VAV3: variants seen among roughly 807,000 people sequenced by gnomAD.
The protein encoded by VAV3 is guanine nucleotide exchange factor VAV3.
Under a neutral mutation model 131.2 loss-of-function variants are expected in VAV3, and 94 were observed. The ratio of observed to expected loss-of-function variants is 0.72; its 90% CI spans 0.61 to 0.85. The LOEUF (loss-of-function observed/expected upper bound fraction) is 0.85. Ranked by LOEUF, VAV3 falls within the 40% of genes least tolerant of loss-of-function variation. VAV3 has a pLI of 0.00. For synonymous variants in VAV3, 349 were observed against 342.0 expected, an observed-to-expected ratio of 1.02 and a Z score of -0.22; for missense variants, 939 against 1,002.7, an observed-to-expected ratio of 0.94 and a Z score of 0.86.
rs192036448 is a variant in VAV3, at chr1:107,948,082, G to A, written c.204+16584C>T. Reference sequence around the variant, plus strand: ...AATGGCTAAGTTTTGGATAGCTGTGGATTTACTCCTTTAAGCATCAGATCT... The same window carrying A: ...AATGGCTAAGTTTTGGATAGCTGTGAATTTACTCCTTTAAGCATCAGATCT... On this transcript the variant is annotated intron_variant, in intron 1 of 26. Transcript: ENST00000370056. Among the ~76,000 whole-genome samples the A allele has an allele frequency of 7.9e-4, 120 of 152,280 alleles. No homozygotes were observed. The East Asian group carries it at 0.018, about 22-fold the overall frequency.
chr1:107,802,110 A>C (rs2102304733), intron 2 of VAV3, among the ~76,000 whole-genome samples: 1 of 152,006 alleles, frequency 6.6e-6, no homozygotes, highest in East Asian at 1.9e-4. Flanking sequence ...TGTTCTTTGT[A>C]GCTATTGCAA....
intron 19 of VAV3, among the ~76,000 whole-genome samples, chr1:107,659,966 T>G (rs1656884369): frequency 6.6e-6 from 1 of 152,154 alleles, no homozygotes; most frequent in Non-Finnish European, 1.5e-5. Context: ...CATTTATACT[T>G]CCCTTTCCCC....
At chr1:107,751,791 C>A (rs1352248439) in intron 12 of VAV3, among the ~76,000 whole-genome samples, 4 of 152,116 alleles carry the variant, frequency 2.6e-5, no homozygotes, top group Admixed American at 2.0e-4. Context: ...TTCCCAGAGG[C>A]TGATAACTAA....
At chr1:107,854,616 A>C (rs1399229716) in intron 2 of VAV3, among the ~76,000 whole-genome samples, 3 of 152,166 alleles carry the variant, frequency 2.0e-5, no homozygotes, top group Admixed American at 1.3e-4. Flanking sequence ...GAAATTGTTT[A>C]ACAGTGCTCT....
intron 19 of VAV3, chr1:107,678,152 C>T (rs1269653550): frequency 6.6e-6 from 1 of 151,684 alleles, no homozygotes; most frequent in South Asian, 2.1e-4. Context: ...GAGCATGCTC[C>T]TCAGCATTTG....
rs1003583760 is a variant in VAV3 at position 107,792,851 on chromosome 1, T to C, written c.322-13359A>G. On this transcript the variant is annotated intron_variant, in intron 2 of 26. Coordinates refer to ENST00000370056, the MANE Select transcript of VAV3 (RefSeq NM_006113.5). ...TAGAGGCTACCAGCTTGTACCCTCC[T>C]TCTGGTTTGCAATTAAGTAGACTGT... 9.2e-5 allele frequency among the ~76,000 whole-genome samples: 14 copies of C among 152,278 alleles called. No individual in the cohort carries two copies. The East Asian group carries it at 2.7e-3, about 29-fold the overall frequency.
intron 1 of VAV3, among the ~76,000 whole-genome samples, chr1:107,941,740 T>G (rs1476058597): frequency 6.6e-6 from 1 of 152,170 alleles, no homozygotes; most frequent in Admixed American, 6.6e-5. Context: ...CACTGTTGGG[T>G]AGAAATAAAT....
chr1:107,638,192 C>T (rs1655074117), intron 20 of VAV3, among the ~76,000 whole-genome samples: 1 of 152,132 alleles, frequency 6.6e-6, no homozygotes, highest in African/African-American at 2.4e-5. Flanking sequence ...TGACATTTTA[C>T]TGGACATTCT....
intron 19 of VAV3, among the ~76,000 whole-genome samples, chr1:107,643,516 CTTATTCAT>C (rs1655510992): frequency 6.6e-6 from 1 of 152,138 alleles, no homozygotes; most frequent in South Asian, 2.1e-4. Context: ...CTCACAGTCA[CTTATTCAT>C]TTACAGGTGA....
chr1:107,787,349 C>T (rs990377783), intron 2 of VAV3, among the ~76,000 whole-genome samples: 45 of 152,242 alleles, frequency 3.0e-4, no homozygotes, highest in African/African-American at 1.0e-3. Context: ...CTCAAAAAAC[C>T]AACAGTCTAT....
At chr1:107,627,869 T>C (rs925309189) in intron 20 of VAV3, among the ~76,000 whole-genome samples, 2 of 152,220 alleles carry the variant, frequency 1.3e-5, no homozygotes, top group African/African-American at 4.8e-5. Flanking sequence ...TAACACCTTA[T>C]GGAGATCACA....
chr1:107,913,424 C>T (rs759985541), intron 1 of VAV3, among the ~76,000 whole-genome samples: 27 of 152,204 alleles, frequency 1.8e-4, no homozygotes, highest in African/African-American at 4.3e-4. Context: ...CTGCTAATCG[C>T]TCACAGCAAC....
chr1:107,779,770 C>A (rs1450195318), intron 2 of VAV3, among the ~76,000 whole-genome samples: 2 of 152,246 alleles, frequency 1.3e-5, no homozygotes, highest in South Asian at 4.2e-4. Context: ...ACAAAGTTAG[C>A]CTGGGTGGCC....
intron 2 of VAV3, among the ~76,000 whole-genome samples, chr1:107,846,254 A>AT (rs1203186448): frequency 6.6e-6 from 1 of 152,218 alleles, no homozygotes; most frequent in African/African-American, 2.4e-5. Flanking sequence ...ATGCTGAGAG[A>AT]TTTTATCACC....
Position 107,757,283 on chromosome 1 carries a change from T to A in VAV3, c.1064A>T (p.Lys355Ile). 2 of 1,613,526 alleles carry A rather than the reference T, an allele frequency of 1.2e-6. No individual in the cohort carries two copies. Among genetic ancestry groups the A allele is most frequent in the Non-Finnish European group, 1.7e-6 (2 of 1,179,824 alleles). Reference sequence around the variant, plus strand: ...TACCTTCATGGCATCAAGAGCCAGTTTCAGATTTGCCTTCTCAGTCGGATC... The same window carrying A: ...TACCTTCATGGCATCAAGAGCCAGTATCAGATTTGCCTTCTCAGTCGGATC... ...TTDPTEKANLKLALDAMKDLA... is the reference protein window; with the variant it reads ...TTDPTEKANLILALDAMKDLA... The change falls in exon 11 of 27, where the codon AAA (lysine) becomes ATA (isoleucine). Residue 355 changes from lysine (K) to isoleucine (I), a missense_variant. By Grantham distance (102) the Lys-to-Ile change is moderately radical (BLOSUM62 -3). Transcript: ENST00000370056.
intron 20 of VAV3, among the ~76,000 whole-genome samples, chr1:107,617,952 G>A (rs1057157154): frequency 6.6e-6 from 1 of 152,108 alleles, no homozygotes; most frequent in Non-Finnish European, 1.5e-5. Context: ...TGGCCCCAGG[G>A]ATGTGGGGTG....
At chr1:107,935,820 G>A (rs1023491095) in intron 1 of VAV3, among the ~76,000 whole-genome samples, 3 of 152,174 alleles carry the variant, frequency 2.0e-5, no homozygotes, top group Non-Finnish European at 2.9e-5. Flanking sequence ...AAAGGGAAAG[G>A]TGTTCCTATT....
chr1:107,821,962 T>A (rs1000384421), intron 2 of VAV3, among the ~76,000 whole-genome samples: 2 of 152,294 alleles, frequency 1.3e-5, no homozygotes, highest in Non-Finnish European at 2.9e-5. Context: ...AAGTGGGCAC[T>A]TTTAAAGAGA....
At position 107,573,018 on chromosome 1, in the gene VAV3, A is replaced by T. The variant is rs954488718; in HGVS notation, c.*313T>A. The T allele has an allele frequency of 2.9e-6, 1 of 349,736 alleles. No homozygotes were observed. Among genetic ancestry groups the T allele is most frequent in the Admixed American group, 4.6e-5 (1 of 21,714 alleles). The allele number at this position is 349,736 out of a possible 1,614,324, so 21.7% of individuals were successfully genotyped here. A position where few individuals can be genotyped will look rare whatever the true frequency, so the allele number is the denominator to read the frequency against. ...GGCATTCATGGTATCTGACCAGAAG[A>T]AGTAAAGGGAAGCACGAACCAATGT... On this transcript the variant is annotated 3_prime_UTR_variant, in exon 27 of 27. Coordinates refer to ENST00000370056, the MANE Select transcript of VAV3 (RefSeq NM_006113.5).
Sources: gnomAD v4.1 joint callset for allele counts (sites outside exome capture counted in the v4.1 genomes callset) on GRCh38, gnomAD v4.1.1 for gene constraint, MANE v1.5 for transcripts, NCBI Gene and HGNC (gene_info 2026-07-23, HGNC 2026-07-21) for gene names.